The following CACHD1 variants were observed in gnomAD, a reference collection of about 807,000 sequenced individuals.
The protein encoded by CACHD1 is VWFA and cache domain-containing protein 1.
CACHD1 carries 71 observed loss-of-function variants against 138.7 expected under a neutral mutation model. The ratio of observed to expected loss-of-function variants is 0.51; its 90% CI spans 0.42 to 0.62. The LOEUF is 0.62. Among genes scored for constraint, CACHD1 ranks in the 20% least tolerant of loss-of-function variants. CACHD1 has a pLI of 0.00. For synonymous variants in CACHD1, 578 were observed against 591.5 expected (o/e 0.98, Z 0.33); for missense variants, 1,389 against 1,625.3 (o/e 0.85, Z 2.50).
chr1:64,526,086 G>C (rs959380056), intron 1 of CACHD1, among the ~76,000 whole-genome samples: 3 of 152,186 alleles, frequency 2.0e-5, no homozygotes, highest in Admixed American at 1.3e-4. Flanking sequence ...AGATGATGGT[G>C]AGTTTGAGCT....
Position 64,691,503 on chromosome 1 carries a change from A to C in CACHD1, c.3767A>C (p.His1256Pro). 6.2e-7 allele frequency: 1 copy of C among 1,614,074 alleles called. No homozygotes were observed. Among genetic ancestry groups the C allele is most frequent in the Non-Finnish European group, 8.5e-7 (1 of 1,179,990 alleles). The part of the protein sequence containing the change: ...HHYRSHHPTL[H>P]HSHHLQAAVT... ...TACCGGTCACACCACCCTACACTTCATCATAGCCACCACTTACAGGCGGCC... is the reference window on the plus strand; with the variant it reads ...TACCGGTCACACCACCCTACACTTCCTCATAGCCACCACTTACAGGCGGCC... Residue 1256 changes from histidine to proline, a missense_variant, in exon 27 of 27, where the codon CAT becomes CCT. His to Pro is a moderately conservative substitution (Grantham distance 77). Around this residue, in one of 5 missense-constraint regions of CACHD1, gnomAD observed 78 missense variants for 76.9 expected, o/e 1.01. Transcript: ENST00000651257.
At chr1:64,580,635 A>G (rs1647004338) in intron 2 of CACHD1, among the ~76,000 whole-genome samples, 1 of 152,204 alleles carries the variant, frequency 6.6e-6, no homozygotes. Flanking sequence ...GTGATTTTCC[A>G]ACACCTGTTA....
Position 64,557,756 on chromosome 1 carries a change from G to A in CACHD1, c.261+7100G>A, listed in dbSNP as rs139105509. The stretch of plus-strand genomic sequence containing the variant: ...GTCCACACTCATTAGATCCAGTTCT[G>A]CCATTTTCTTTTTCTTTTTCTCTTT... On this transcript the variant is annotated intron_variant, in intron 2 of 26. Transcript: ENST00000651257. Among the ~76,000 whole-genome samples, 441 of 151,638 alleles carry A rather than the reference G, an allele frequency of 2.9e-3. 2 individuals are homozygous for A. Among genetic ancestry groups the A allele is most frequent in the Middle Eastern group, 0.01 (3 of 294 alleles).
At chr1:64,500,737 AGAGAG>A (rs1557463642) in intron 1 of CACHD1, among the ~76,000 whole-genome samples, 782 of 8,062 alleles carry the variant, frequency 0.097, 11 homozygotes, top group African/African-American at 0.15. Context: ...AAAAAAAAAG[AGAGAG>A]AGAGAGAGAG....
intron 7 of CACHD1, among the ~76,000 whole-genome samples, chr1:64,634,857 A>C (rs1183872788): frequency 2.6e-5 from 4 of 151,866 alleles, no homozygotes; most frequent in Non-Finnish European, 5.9e-5. Context: ...TTAGGCAGGC[A>C]TGGTGGTGGT....
chr1:64,545,621 A>G (rs999695292), intron 1 of CACHD1, among the ~76,000 whole-genome samples: 1 of 152,236 alleles, frequency 6.6e-6, no homozygotes, highest in Non-Finnish European at 1.5e-5. Flanking sequence ...GCATTTGAGT[A>G]TTCTAGGTAG....
intron 2 of CACHD1, among the ~76,000 whole-genome samples, chr1:64,558,456 T>G (rs1646814666): frequency 6.6e-6 from 1 of 152,238 alleles, no homozygotes; most frequent in Non-Finnish European, 1.5e-5. Context: ...TTCCTTTTCC[T>G]TGTTCCATAT....
chr1:64,578,919 G>T (rs1283549533), intron 2 of CACHD1, among the ~76,000 whole-genome samples: 1 of 152,150 alleles, frequency 6.6e-6, no homozygotes, highest in Non-Finnish European at 1.5e-5. Flanking sequence ...GGGACAGGGG[G>T]ACATGTAGAC....
intron 26 of CACHD1, among the ~76,000 whole-genome samples, chr1:64,689,614 T>C (rs1450962092): frequency 6.6e-6 from 1 of 152,168 alleles, no homozygotes; most frequent in Non-Finnish European, 1.5e-5. Context: ...TTGTGTGGTC[T>C]CTCCATTTGC....
intron 24 of CACHD1, among the ~76,000 whole-genome samples, 156 bp from the exon 25 acceptor site, chr1:64,681,102 A>G (rs964306215): frequency 9.2e-5 from 14 of 152,170 alleles, no homozygotes; most frequent in African/African-American, 3.4e-4. Context: ...CCTCCTTTAA[A>G]AAAACATGGG....
chr1:64,633,913 T>G, intron 6 of CACHD1, 131 bp from the exon 7 acceptor site: 5 of 664,708 alleles, frequency 7.5e-6, no homozygotes, highest in Non-Finnish European at 1.3e-5. Flanking sequence ...CTCCAGGGAT[T>G]TATTTTGAAA....
intron 1 of CACHD1, among the ~76,000 whole-genome samples, chr1:64,481,718 T>A (rs1024043092): frequency 1.3e-5 from 2 of 152,240 alleles, no homozygotes; most frequent in African/African-American, 4.8e-5. Context: ...ATAAGGCTTA[T>A]GTTAAGGAAA....
chr1:64,663,901 G>T, intron 14 of CACHD1, 64 bp downstream of exon 14: 1 of 1,600,414 alleles, frequency 6.2e-7, no homozygotes, highest in Non-Finnish European at 8.5e-7. Flanking sequence ...GGGGGTGCTG[G>T]CAGTGAACCT....
Position 64,629,482 on chromosome 1 carries a change from G to T in CACHD1, c.644+1G>T. 1 of 1,612,270 alleles carries T rather than the reference G, an allele frequency of 6.2e-7. No individual in the cohort carries two copies. Among genetic ancestry groups the T allele is most frequent in the Admixed American group, 1.7e-5 (1 of 59,572 alleles). ...AGGGCAGCTACGAACACCGCAGTAG[G>T]TATGTTGACTTGCATGCTAAAGTTT... On this transcript the variant is annotated splice_donor_variant, in intron 5 of 26. Transcript: ENST00000651257. LOFTEE classifies it high-confidence loss of function.
At chr1:64,624,841 A>G (rs148524106) in intron 4 of CACHD1, among the ~76,000 whole-genome samples, 1 of 152,350 alleles carries the variant, frequency 6.6e-6, no homozygotes, top group East Asian at 1.9e-4. Context: ...GGGATGTAAT[A>G]GCTAAAAGTC....
chr1:64,646,853 G>A (rs1369094360), intron 8 of CACHD1, among the ~76,000 whole-genome samples: 1 of 152,142 alleles, frequency 6.6e-6, no homozygotes, highest in African/African-American at 2.4e-5. Context: ...AGACATATGT[G>A]GTAGATGAAC....
At chr1:64,551,706 G>A (rs561770118) in intron 2 of CACHD1, among the ~76,000 whole-genome samples, 6 of 152,244 alleles carry the variant, frequency 3.9e-5, no homozygotes, top group African/African-American at 1.4e-4. Context: ...ATAAATTACC[G>A]TGGTTTAATC....
intron 21 of CACHD1, 59 bp from the exon 22 acceptor site, chr1:64,676,836 G>C (rs1453726806): frequency 2.2e-6 from 3 of 1,356,378 alleles, no homozygotes; most frequent in African/African-American, 2.9e-5. Flanking sequence ...AGGACCAGGA[G>C]CATGAGTTTG....
rs561835106 is a variant in CACHD1 at position 64,488,393 on chromosome 1, T to A, written c.198+17451T>A. Among the ~76,000 whole-genome samples the A allele has an allele frequency of 1.6e-4, 25 of 152,294 alleles. No individual in the cohort carries two copies. The East Asian group carries it at 4.6e-3, about 28-fold the overall frequency. ...AGGACTTGCATGTAACCTGGTAAATTTCTTGTTGAATTTTCATTTAGTGTT... is the reference window on the plus strand; with the variant it reads ...AGGACTTGCATGTAACCTGGTAAATATCTTGTTGAATTTTCATTTAGTGTT... On this transcript the variant is annotated intron_variant, in intron 1 of 26. Coordinates refer to ENST00000651257, the MANE Select transcript of CACHD1 (RefSeq NM_020925.4).
Sources: gnomAD v4.1 joint callset for allele counts (sites outside exome capture counted in the v4.1 genomes callset) on GRCh38, gnomAD v4.1.1 for gene constraint, gnomAD v4.1.1 regional missense constraint, MANE v1.5 for transcripts, NCBI Gene and HGNC (gene_info 2026-07-23, HGNC 2026-07-21) for gene names.